Variants in LMF2 observed in about 807,000 individuals in gnomAD.
LMF2 encodes lipase maturation factor 2, also known as transmembrane protein 112B.
In LMF2, 113 loss-of-function variants were observed where a neutral mutation model predicts 81.5. That is an observed-to-expected ratio of 1.39 (90% confidence interval 1.19 to 1.62). The LOEUF (loss-of-function observed/expected upper bound fraction) is 1.62. LMF2 is among the 40% of genes most tolerant of loss of function. LMF2 has a pLI of 0.00. For synonymous variants in LMF2, 645 were observed against 424.5 expected, an observed-to-expected ratio of 1.52 and a Z score of -6.39; for missense variants, 1,235 against 929.1, an observed-to-expected ratio of 1.33 and a Z score of -4.28.
At position 50,503,707 on chromosome 22, in the gene LMF2, AG is replaced by A; in HGVS notation, c.1816-9del. 2.0e-6 allele frequency: 1 copy of A among 503,796 alleles called. No individual in the cohort carries two copies. Among genetic ancestry groups the A allele is most frequent in the Non-Finnish European group, 3.5e-6 (1 of 287,586 alleles). The allele number at this position is 503,796 out of a possible 1,614,324, so 31.2% of individuals were successfully genotyped here. ...GCGAGGTGGGCTTTTCTCCTGTGGGAGGGAGGGAGGGAGGGAGGTTGGGGAA... is the reference window on the plus strand; with the variant it reads ...GCGAGGTGGGCTTTTCTCCTGTGGGAGGAGGGAGGGAGGGAGGTTGGGGAA... On this transcript the variant is annotated splice_polypyrimidine_tract_variant and intron_variant, in intron 13 of 13. Transcript: ENST00000474879.
intron 6 of LMF2, 38 bp downstream of exon 6, chr22:50,505,636 C>A (rs531884259): frequency 2.5e-6 from 4 of 1,611,674 alleles, no homozygotes; most frequent in African/African-American, 2.7e-5. Flanking sequence ...GAGGGGAGAA[C>A]CCCTGGGAGG....
At chr22:50,504,018 G>A in intron 12 of LMF2, 114 bp from the exon 13 acceptor site, 1 of 987,610 alleles carries the variant, frequency 1.0e-6, no homozygotes, top group Non-Finnish European at 1.5e-6. Flanking sequence ...TCCCCCCCTG[G>A]TGCCCGGCCT....
rs753506205 is a variant in LMF2 at position 50,504,338 on chromosome 22, A to G, written c.1718+2T>C. The G allele has an allele frequency of 2.0e-5, 32 of 1,605,594 alleles. 3 individuals are homozygous for G. In the South Asian group the frequency reaches 3.3e-4, roughly 17 times the overall value. On this transcript the variant is annotated splice_donor_variant, in intron 12 of 13. Transcript: ENST00000474879. LOFTEE classifies it high-confidence loss of function. ...CACACCCCACCCGGTGCCCAGCCTTACCCCTGCTCCCCAGGCTGGGAGAAC... is the reference window on the plus strand; with the variant it reads ...CACACCCCACCCGGTGCCCAGCCTTGCCCCTGCTCCCCAGGCTGGGAGAAC...
At position 50,503,919 on chromosome 22, in the gene LMF2, G is replaced by A. The variant is rs554546125; in HGVS notation, c.1719-15C>T. ...GCCACCACTGGCTGCAGCAGGACCC[G>A]ATGTTCAGAAGCTGGAGGCACCCCG... On this transcript the variant is annotated splice_polypyrimidine_tract_variant and intron_variant, in intron 12 of 13. Transcript: ENST00000474879. 5.0e-6 allele frequency: 8 copies of A among 1,602,802 alleles called. No homozygotes were observed. The Admixed American group carries it at 5.0e-5, about 10-fold the overall frequency.
At position 50,506,171 on chromosome 22, in the gene LMF2, G is replaced by C. The variant is rs2068559279; in HGVS notation, c.638C>G (p.Ala213Gly). Residue 213 changes from alanine to glycine, a missense_variant, in exon 5 of 14, where the codon GCC becomes GGC. Physicochemically the swap from Ala to Gly is moderately conservative, Grantham distance 60. Coordinates refer to ENST00000474879, the MANE Select transcript of LMF2 (RefSeq NM_033200.3). The stretch of plus-strand genomic sequence containing the variant: ...CGGCAGGTGGTGTGCGAACCAGGCG[G>C]CGGGCGTGGGCAGGCACTGGGTCTC... The part of the protein sequence containing the change: ...HYETQCLPTP[A>G]AWFAHHLPVW... 7 of 1,564,168 alleles carry C rather than the reference G, an allele frequency of 4.5e-6. No individual in the cohort carries two copies. Among genetic ancestry groups the C allele is most frequent in the Non-Finnish European group, 6.1e-6 (7 of 1,154,388 alleles).
At position 50,506,386 on chromosome 22, in the gene LMF2, T is replaced by G. The variant is rs1603439536; in HGVS notation, c.494A>C (p.Asp165Ala). 6.5e-7 allele frequency: 1 copy of G among 1,549,216 alleles called. No individual in the cohort carries two copies. The highest frequency in any genetic ancestry group is 2.0e-5 in the Admixed American group (1 of 50,964). The change falls in exon 4 of 14, where the codon GAC (aspartate) becomes GCC (alanine). Residue 165 changes from aspartate to alanine, a missense_variant. Asp to Ala is a moderately radical substitution (Grantham distance 126). Transcript: ENST00000474879. ...GRQAGALPHE[D>A]LPFWLVRWLL... ...CCATCGCACCAGCCAGAAGGGGAGG[T>G]CTTCGTGGGGCAGGGCCCCTGCCTG...
chr22:50,505,549 G>C lies in LMF2; in HGVS notation c.917-12C>G. The C allele has an allele frequency of 6.2e-7, 1 of 1,612,360 alleles. No individual in the cohort carries two copies. Among genetic ancestry groups the C allele is most frequent in the Non-Finnish European group, 8.5e-7 (1 of 1,179,984 alleles). On this transcript the variant is annotated splice_polypyrimidine_tract_variant and intron_variant, in intron 6 of 13. Transcript: ENST00000474879. The stretch of plus-strand genomic sequence containing the variant: ...GGCCTTGGGCCAGGCTGTGGGGCAG[G>C]ACAGTCATGGGTCAGCAGAGGGTCC...
At position 50,503,848 on chromosome 22, in the gene LMF2, T is replaced by TCC. The variant is rs776580176; in HGVS notation, c.1773_1774dup (p.Asp592GlyfsTer66). 3.5e-4 allele frequency: 559 copies of TCC among 1,605,458 alleles called. 2 individuals are homozygous for TCC. In the African/African-American group the frequency reaches 6.9e-3, roughly 20 times the overall value. On this transcript the variant is annotated frameshift_variant, in exon 13 of 14. Coordinates refer to ENST00000474879, the MANE Select transcript of LMF2 (RefSeq NM_033200.3). LOFTEE classifies it low-confidence loss of function (END_TRUNC). ...CCTGAGCAGCGTCTCCAGCGTGGGG[T>TCC]CCCCCAGGGACACGGATGGGAAGAA...
chr22:50,505,715 G>A lies in LMF2; in HGVS notation c.875C>T (p.Ala292Val), dbSNP rs768621918. The change falls in exon 6 of 14, where the codon GCT becomes GTT. Residue 292 changes from alanine (A) to valine (V), a missense_variant. Ala to Val is a moderately conservative substitution (Grantham distance 64, BLOSUM62 0). Transcript: ENST00000474879. Reference protein sequence around the residue: ...TTALLDDQHLAAEPGHGSRKK... With the variant: ...TTALLDDQHLVAEPGHGSRKK... The stretch of plus-strand genomic sequence containing the variant: ...GCGGCTGCCGTGGCCAGGCTCAGCA[G>A]CCAGGTGCTGGTCGTCCAGCAGCGC... 5.6e-6 allele frequency: 9 copies of A among 1,612,942 alleles called. No individual in the cohort carries two copies. Among genetic ancestry groups the A allele is most frequent in the Middle Eastern group, 1.6e-4 (1 of 6,062 alleles).
chr22:50,507,687 G>A lies in LMF2; in HGVS notation c.-12C>T, dbSNP rs1308817099. On this transcript the variant is annotated 5_prime_UTR_variant, in exon 1 of 14. Transcript: ENST00000474879. Reference sequence around the variant, plus strand: ...CGGGAGCCCGCCATGTCCGCTACGCGGCCCGCTAGAGCAGGGCCCGCCCTC... The same window carrying A: ...CGGGAGCCCGCCATGTCCGCTACGCAGCCCGCTAGAGCAGGGCCCGCCCTC... 1.3e-6 allele frequency: 2 copies of A among 1,546,926 alleles called. No individual in the cohort carries two copies. Among genetic ancestry groups the A allele is most frequent in the Admixed American group, 2.0e-5 (1 of 50,904 alleles).
chr22:50,504,858 G>A lies in LMF2; in HGVS notation c.1381C>T (p.Leu461Phe). Residue 461 changes from leucine to phenylalanine, a missense_variant, in exon 10 of 14, where the codon CTT becomes TTT. By Grantham distance (22) the Leu-to-Phe change is conservative. Coordinates refer to ENST00000474879, the MANE Select transcript of LMF2 (RefSeq NM_033200.3). ...SYGLFRRMTG[L>F]GGRPEVVLEG... is the part of the protein sequence containing the mutation. ...AGCACCACCTCAGGCCGTCCACCAA[G>A]CCCAGTCATGCGGCGGAAGAGGCCG... is the stretch of plus-strand genomic sequence containing the variant. The A allele has an allele frequency of 3.7e-6, 6 of 1,611,294 alleles. No individual in the cohort carries two copies. Among genetic ancestry groups the A allele is most frequent in the South Asian group, 1.1e-5 (1 of 91,022 alleles).
chr22:50,505,845 G>C (rs2148647370), intron 5 of LMF2, 30 bp from the exon 6 acceptor site: 1 of 1,610,958 alleles, frequency 6.2e-7, no homozygotes, highest in Non-Finnish European at 8.5e-7. Context: ...AGTGCTCCCG[G>C]AGACTGACGC....
At chr22:50,506,688 G>A (rs1034673195) in intron 2 of LMF2, 22 bp from the exon 3 acceptor site, 8 of 1,613,724 alleles carry the variant, frequency 5.0e-6, no homozygotes, top group Middle Eastern at 1.6e-4. Flanking sequence ...GGGGCTGTCA[G>A]GGAGCGGGTG....
At position 50,504,824 on chromosome 22, in the gene LMF2, C is replaced by G. The variant is rs771901903; in HGVS notation, c.1415G>C (p.Ser472Thr). The change falls in exon 10 of 14, where the codon AGT becomes ACT. Residue 472 changes from serine (S) to threonine (T), a missense_variant. By Grantham distance (58) the Ser-to-Thr change is moderately conservative. Transcript: ENST00000474879. The part of the protein sequence containing the change: ...GGRPEVVLEG[S>T]YDGHHWTEIE... ...CACCGTCCAGTGGTGGCCGTCGTAA[C>G]TGCCCTCCAGCACCACCTCAGGCCG... 1.8e-5 allele frequency: 29 copies of G among 1,607,480 alleles called. No homozygotes were observed. The highest frequency in any genetic ancestry group is 1.9e-5 in the Non-Finnish European group (22 of 1,176,296).
chr22:50,506,670 C>T lies in LMF2; in HGVS notation c.349-4G>A, dbSNP rs781025747. 1.2e-6 allele frequency: 2 copies of T among 1,613,628 alleles called. No individual in the cohort carries two copies. Among genetic ancestry groups the T allele is most frequent in the African/African-American group, 1.3e-5 (1 of 75,042 alleles). The stretch of plus-strand genomic sequence containing the variant: ...AATAAAGGAACACCTGGCCCACCTG[C>T]GGAGAGAGGGGCTGTCAGGGAGCGG... On this transcript the variant is annotated splice_polypyrimidine_tract_variant and splice_region_variant and intron_variant, in intron 2 of 13. Transcript: ENST00000474879.
Position 50,505,420 on chromosome 22 carries a change from G to T in LMF2, c.1034C>A (p.Thr345Asn). ...GCACTCACTGGTTCTGGAGTGGATG[G>T]TGCGCTGCTGCCAGTCAACCTCCAG... ...FGLEVDWQQR[T>N]IHSRTTFTFH... is the part of the protein sequence containing the mutation. Residue 345 changes from threonine to asparagine, a missense_variant, in exon 7 of 14, where the codon ACC (threonine) becomes AAC (asparagine). Physicochemically the swap from Thr to Asn is moderately conservative, Grantham distance 65 (BLOSUM62 0). Coordinates refer to ENST00000474879, the MANE Select transcript of LMF2 (RefSeq NM_033200.3). 1 of 1,613,122 alleles carries T rather than the reference G, an allele frequency of 6.2e-7. No homozygotes were observed. The highest frequency in any genetic ancestry group is 8.5e-7 in the Non-Finnish European group (1 of 1,180,030).
rs560811016 is a variant in LMF2 at position 50,506,490 on chromosome 22, C to A, written c.390G>T (p.Leu130=). Residue 130 remains leucine, a synonymous_variant, in exon 4 of 14, where the codon CTG becomes CTT. Transcript: ENST00000474879. ...GCACGGCCAGGAAGCCAGTCTCTAG[C>A]AGCAGGGAGTCCCTATGGGGAGAGC... ...VFLYFQWDSL[L]LETGFLAVLV... is the part of the protein sequence containing the mutation. 3.9e-6 allele frequency: 6 copies of A among 1,556,702 alleles called. No individual in the cohort carries two copies. In the South Asian group the frequency reaches 4.7e-5, roughly 12 times the overall value.
chr22:50,506,086 G>A lies in LMF2; in HGVS notation c.723C>T (p.Pro241=), dbSNP rs370538680. ...ATFLIEIAVP[P]LFFAPIRRLR... is the part of the protein sequence containing the mutation. ...GGCGTCGAATGGGGGCGAAGAACAG[G>A]GGCGGCACAGCGATCTCAATTAGGA... Residue 241 remains proline (P), a synonymous_variant, in exon 5 of 14, where the codon CCC becomes CCT. Transcript: ENST00000474879. 1 of 1,591,386 alleles carries A rather than the reference G, an allele frequency of 6.3e-7. No homozygotes were observed. The highest frequency in any genetic ancestry group is 8.6e-7 in the Non-Finnish European group (1 of 1,169,362).
rs768175509 is a variant in LMF2, at chr22:50,503,831, G to C, written c.1792C>G (p.Leu598Val). The C allele has an allele frequency of 1.0e-4, 164 of 1,605,710 alleles. No homozygotes were observed. The highest frequency in any genetic ancestry group is 2.0e-4 in the Admixed American group (12 of 59,942). Residue 598 changes from leucine to valine, a missense_variant, in exon 13 of 14, where the codon CTG (leucine) becomes GTG (valine). By Grantham distance (32) the Leu-to-Val change is conservative. Transcript: ENST00000474879. ...VSLGDPTLET[L>V]LRQFGLQEKS... ...ACCTGTAGTCCAAACTGCCTGAGCAGCGTCTCCAGCGTGGGGTCCCCCAGG... is the reference window on the plus strand; with the variant it reads ...ACCTGTAGTCCAAACTGCCTGAGCACCGTCTCCAGCGTGGGGTCCCCCAGG...
Sources: allele counts gnomAD v4.1 joint callset, GRCh38; gene constraint gnomAD v4.1.1; transcripts MANE v1.5; gene names NCBI Gene and HGNC (gene_info 2026-07-23, HGNC 2026-07-21).